ANO3: variants seen among roughly 807,000 people sequenced by gnomAD.
ANO3 encodes the protein anoctamin-3.
In ANO3, 99 loss-of-function variants were observed where a neutral mutation model predicts 144.8. The ratio of observed to expected loss-of-function variants is 0.68; its 90% CI spans 0.58 to 0.81. The LOEUF is 0.81. Ranked by LOEUF, ANO3 falls within the 30% of genes least tolerant of loss-of-function variation. The pLI, the probability that ANO3 is intolerant of heterozygous loss-of-function variation, is 0.00. For synonymous variants in ANO3, 414 were observed against 392.6 expected (o/e 1.05, Z -0.64); for missense variants, 905 against 1,202.2 (o/e 0.75, Z 3.66).
chr11:26,250,365 A>G (rs757447017), intron 1 of ANO3, among the ~76,000 whole-genome samples: 62 of 152,198 alleles, frequency 4.1e-4, no homozygotes, highest in Non-Finnish European at 2.6e-4. Context: ...AAAAAGTAAC[A>G]TTTTTATTAT....
At chr11:26,416,187 TG>T (rs1857581556) in intron 1 of ANO3, among the ~76,000 whole-genome samples, 1 of 152,106 alleles carries the variant, frequency 6.6e-6, no homozygotes. Flanking sequence ...GCAGTTTTTT[TG>T]TTGTCCCTCA....
At chr11:26,564,682 CTCATATATAT>C (rs1444416042) in intron 14 of ANO3, among the ~76,000 whole-genome samples, 1 of 113,134 alleles carries the variant, frequency 8.8e-6, no homozygotes, top group Non-Finnish European at 1.8e-5. Flanking sequence ...TATATATATA[CTCATATATAT>C]ACACACACAC....
At chr11:26,259,281 G>T (rs1021688891) in intron 1 of ANO3, among the ~76,000 whole-genome samples, 2 of 152,066 alleles carry the variant, frequency 1.3e-5, no homozygotes, top group African/African-American at 4.8e-5. Context: ...ATTGACTATT[G>T]TGTGTATATA....
intron 6 of ANO3, among the ~76,000 whole-genome samples, chr11:26,523,682 T>C (rs1862178299): frequency 6.6e-6 from 1 of 152,232 alleles, no homozygotes; most frequent in Non-Finnish European, 1.5e-5. Flanking sequence ...TTTTATTTGT[T>C]CTTACCATAT....
At chr11:26,565,449 T>A in intron 14 of ANO3, 1 of 1,613,284 alleles carries the variant, frequency 6.2e-7, no homozygotes. Flanking sequence ...AGCATTGGGA[T>A]GTGCTGAGAT....
chr11:26,453,244 G>C (rs1357199828), intron 3 of ANO3, among the ~76,000 whole-genome samples: 1 of 152,040 alleles, frequency 6.6e-6, no homozygotes, highest in East Asian at 1.9e-4. Flanking sequence ...AACTTTAAAT[G>C]TAAATGGACT....
chr11:26,647,503 C>A (rs1423087711), intron 23 of ANO3, among the ~76,000 whole-genome samples: 4 of 152,178 alleles, frequency 2.6e-5, no homozygotes, highest in Non-Finnish European at 5.9e-5. Flanking sequence ...ATTTTTGAAT[C>A]TTTCTAGACG....
chr11:26,598,970 T>C lies in ANO3; in HGVS notation c.1643T>C (p.Leu548Pro). 6.2e-7 allele frequency: 1 copy of C among 1,614,068 alleles called. No individual in the cohort carries two copies. Among genetic ancestry groups the C allele is most frequent in the South Asian group, 1.1e-5 (1 of 91,062 alleles). The change falls in exon 16 of 27, where the codon CTT becomes CCT. Residue 548 changes from leucine (L) to proline (P), a missense_variant. By Grantham distance (98) the Leu-to-Pro change is moderately conservative. Transcript: ENST00000256737. ...QPSSDKVTRL[L>P]VSVSGIFFMI... ...TCCTCAGACAAAGTCACTCGTCTTCTTGTTTCTGTCTCAGGAATATTCTTC... is the reference window on the plus strand; with the variant it reads ...TCCTCAGACAAAGTCACTCGTCTTCCTGTTTCTGTCTCAGGAATATTCTTC...
In ANO3 at chr11:26,642,322, T is replaced by G. The variant is rs534783257; in HGVS notation, c.2275+293T>G. 1.7e-3 allele frequency among the ~76,000 whole-genome samples: 244 copies of G among 147,444 alleles called. 1 individual carries two copies. Among genetic ancestry groups the G allele is most frequent in the African/African-American group, 5.4e-3 (219 of 40,548 alleles). On this transcript the variant is annotated intron_variant, in intron 22 of 26. Transcript: ENST00000256737. ...AAAATAATGCTGAACCAGTTTCTTT[T>G]CCTTTTTCTTTCTTTCTTTCTTTTT...
chr11:26,467,828 T>C (rs1859653315), intron 4 of ANO3, among the ~76,000 whole-genome samples: 1 of 152,036 alleles, frequency 6.6e-6, no homozygotes, highest in Non-Finnish European at 1.5e-5. Flanking sequence ...GGCTTTTTCA[T>C]CCCTATGTGG....
rs376997909 is a variant in ANO3, at chr11:26,453,449, G to A, written c.314-9581G>A. On this transcript the variant is annotated intron_variant, in intron 3 of 26. Transcript: ENST00000256737. ...GCAATCCTAGTCTCTGATAAAACAG[G>A]CTTTAAACCAACAAAGATCAAAAGA... 4.8e-3 allele frequency among the ~76,000 whole-genome samples: 733 copies of A among 152,132 alleles called. 4 individuals carry two copies. The highest frequency in any genetic ancestry group is 0.017 in the African/African-American group (707 of 41,490).
At chr11:26,564,728 C>CAT (rs1850474307) in intron 14 of ANO3, among the ~76,000 whole-genome samples, 3 of 36,180 alleles carry the variant, frequency 8.3e-5, no homozygotes, top group Non-Finnish European at 1.5e-4. Flanking sequence ...CACACACACA[C>CAT]ACACATATAT....
chr11:26,234,396 A>C (rs1487084754), intron 1 of ANO3, among the ~76,000 whole-genome samples: 3 of 152,234 alleles, frequency 2.0e-5, no homozygotes, highest in Non-Finnish European at 4.4e-5. Flanking sequence ...ACATTTAGGC[A>C]CAAATTGCGA....
At chr11:26,373,404 T>C (rs1169344338) in intron 1 of ANO3, among the ~76,000 whole-genome samples, 3 of 152,190 alleles carry the variant, frequency 2.0e-5, no homozygotes, top group Non-Finnish European at 4.4e-5. Flanking sequence ...TGCCACCTTG[T>C]GAAGAATGTG....
At chr11:26,299,872 G>C (rs78373509) in intron 1 of ANO3, among the ~76,000 whole-genome samples, 1 of 152,296 alleles carries the variant, frequency 6.6e-6, no homozygotes, top group East Asian at 1.9e-4. Flanking sequence ...AAGTGGGTGG[G>C]AGCTGTGGAA....
chr11:26,289,692 C>A (rs1326875219), intron 1 of ANO3, among the ~76,000 whole-genome samples: 6 of 93,488 alleles, frequency 6.4e-5, no homozygotes, highest in Admixed American at 3.6e-4. Flanking sequence ...CACATATATT[C>A]TATATGTGTA....
At chr11:26,496,430 T>G (rs1431708421) in intron 4 of ANO3, among the ~76,000 whole-genome samples, 1 of 152,196 alleles carries the variant, frequency 6.6e-6, no homozygotes, top group Non-Finnish European at 1.5e-5. Context: ...TTGGAGGTAA[T>G]AGGGACCCAA....
chr11:26,203,132 C>T (rs1266161282), intron 1 of ANO3, among the ~76,000 whole-genome samples: 1 of 152,036 alleles, frequency 6.6e-6, no homozygotes, highest in African/African-American at 2.4e-5. Flanking sequence ...TCAAGCTGTG[C>T]TATTGATAGT....
At chr11:26,604,288 A>C (rs1380816579) in intron 17 of ANO3, among the ~76,000 whole-genome samples, 1 of 152,214 alleles carries the variant, frequency 6.6e-6, no homozygotes, top group Non-Finnish European at 1.5e-5. Context: ...TTTTGATACT[A>C]GTACCATGCT....
Sources: allele counts gnomAD v4.1 joint callset (sites outside exome capture counted in the v4.1 genomes callset), GRCh38; gene constraint gnomAD v4.1.1; transcripts MANE v1.5; gene names NCBI Gene and HGNC (gene_info 2026-07-23, HGNC 2026-07-21).